CSMD1: variants seen among roughly 807,000 people sequenced by gnomAD.
The protein encoded by CSMD1 is CUB and sushi domain-containing protein 1.
A neutral mutation model predicts 417.5 loss-of-function variants in CSMD1; 213 were observed. The observed-to-expected ratio is 0.51, with a 90% CI of 0.46 to 0.57. CSMD1 has a LOEUF of 0.57. CSMD1 is among the 20% of genes least tolerant of loss of function. The probability of loss-of-function intolerance (pLI) is 0.00; values close to 1 mark genes in which losing one functional copy is unlikely to be tolerated. For synonymous variants in CSMD1, 2,862 were observed against 1,736.8 expected (o/e 1.65, Z -16.11); for missense variants, 6,923 against 4,529.7 (o/e 1.53, Z -15.17).
At chr8:3,283,223 G>A (rs1490653433) in intron 26 of CSMD1, among the ~76,000 whole-genome samples, 5 of 152,094 alleles carry the variant, frequency 3.3e-5, no homozygotes, top group African/African-American at 1.2e-4. Context: ...CCGGGAAGTT[G>A]CAAGCAGAGA....
chr8:4,618,427 C>A (rs939400706), intron 2 of CSMD1, among the ~76,000 whole-genome samples: 1 of 151,902 alleles, frequency 6.6e-6, no homozygotes, highest in South Asian at 2.1e-4. Flanking sequence ...CAAAGGTGGG[C>A]AGGACTCACG....
chr8:3,271,005 G>A (rs1801809373), intron 26 of CSMD1, among the ~76,000 whole-genome samples: 1 of 151,424 alleles, frequency 6.6e-6, no homozygotes, highest in Non-Finnish European at 1.5e-5. Context: ...GTATACATGT[G>A]CCATGCTGGT....
chr8:3,437,729 T>A (rs1055524028), intron 12 of CSMD1, among the ~76,000 whole-genome samples: 2 of 150,806 alleles, frequency 1.3e-5, no homozygotes, highest in African/African-American at 4.9e-5. Flanking sequence ...AAAGCCACTA[T>A]AGATGCAGCT....
At chr8:3,664,946 G>C (rs1798606876) in intron 7 of CSMD1, among the ~76,000 whole-genome samples, 2 of 152,080 alleles carry the variant, frequency 1.3e-5, no homozygotes, top group South Asian at 4.1e-4. Flanking sequence ...GTGCGTCAAA[G>C]ATTTCAATAC....
intron 3 of CSMD1, among the ~76,000 whole-genome samples, chr8:4,041,211 G>A (rs1207671169): frequency 2.0e-5 from 3 of 151,812 alleles, no homozygotes; most frequent in South Asian, 4.2e-4. Context: ...TAGAGACGGG[G>A]TTTCACCGTG....
At chr8:3,481,609 G>C (rs1260590328) in intron 11 of CSMD1, among the ~76,000 whole-genome samples, 2 of 152,200 alleles carry the variant, frequency 1.3e-5, no homozygotes, top group Admixed American at 6.5e-5. Context: ...GGATCGAAAT[G>C]TGGGGGATTG....
At chr8:4,969,287 A>G (rs1316394166) in intron 1 of CSMD1, among the ~76,000 whole-genome samples, 2 of 151,988 alleles carry the variant, frequency 1.3e-5, no homozygotes, top group African/African-American at 4.8e-5. Flanking sequence ...TCAATTTGCT[A>G]GGGCAAAATA....
intron 12 of CSMD1, among the ~76,000 whole-genome samples, chr8:3,422,662 C>T (rs547987092): frequency 1.4e-4 from 22 of 152,222 alleles, no homozygotes; most frequent in South Asian, 6.2e-4. Flanking sequence ...AATCTATTTT[C>T]GATGCATTTT....
At chr8:4,286,239 C>T (rs1442798225) in intron 3 of CSMD1, among the ~76,000 whole-genome samples, 3 of 152,140 alleles carry the variant, frequency 2.0e-5, no homozygotes, top group Non-Finnish European at 2.9e-5. Context: ...AGCTCCATTG[C>T]GTCTCTCCGC....
chr8:3,990,275 C>G (rs1057459221), intron 5 of CSMD1, among the ~76,000 whole-genome samples: 3 of 152,160 alleles, frequency 2.0e-5, no homozygotes, highest in East Asian at 1.9e-4. Flanking sequence ...TTGCCTACAG[C>G]TTAAATAATT....
intron 2 of CSMD1, among the ~76,000 whole-genome samples, chr8:4,586,498 C>A (rs1799706456): frequency 6.6e-6 from 1 of 152,168 alleles, no homozygotes; most frequent in African/African-American, 2.4e-5. Flanking sequence ...CACCTAGTTC[C>A]TTCTGGATGA....
At position 4,877,936 on chromosome 8, in the gene CSMD1, T is replaced by C. The variant is rs547708029; in HGVS notation, c.85+116396A>G. Among the ~76,000 whole-genome samples the C allele has an allele frequency of 9.2e-5, 14 of 152,208 alleles. No homozygotes were observed. The South Asian group carries it at 2.3e-3, about 25-fold the overall frequency. On this transcript the variant is annotated intron_variant, in intron 1 of 69. Coordinates refer to ENST00000635120, the MANE Select transcript of CSMD1 (RefSeq NM_033225.6). ...CATCATGTACAATGGGAAAGGGACC[T>C]ACCCAAACAGAGACACACTATAATC...
chr8:4,374,978 A>C (rs1398930100), intron 3 of CSMD1, among the ~76,000 whole-genome samples: 1 of 61,138 alleles, frequency 1.6e-5, no homozygotes, highest in East Asian at 6.5e-4. Flanking sequence ...GGGGGGCGAT[A>C]GTGGGGGTAC....
rs1484886538 is a variant in CSMD1 at position 3,345,702 on chromosome 8, C to G, written c.3475-2252G>C. Among the ~76,000 whole-genome samples the G allele has an allele frequency of 1.3e-5, 2 of 152,192 alleles. 1 individual carries two copies. Among genetic ancestry groups the G allele is most frequent in the Non-Finnish European group, 2.9e-5 (2 of 68,042 alleles). On this transcript the variant is annotated intron_variant, in intron 22 of 69. Transcript: ENST00000635120. The stretch of plus-strand genomic sequence containing the variant: ...CCTGTAAGTATCTGCACTACAAACC[C>G]TCCTCAGAGTTCAGCATTTAATGCC...
intron 5 of CSMD1, among the ~76,000 whole-genome samples, chr8:3,901,116 T>TG: frequency 6.6e-6 from 1 of 152,320 alleles, no homozygotes; most frequent in Admixed American, 6.5e-5. Flanking sequence ...TGTATACTTT[T>TG]GGGGGAGGGT....
intron 3 of CSMD1, among the ~76,000 whole-genome samples, chr8:4,152,449 T>C (rs1165280136): frequency 1.3e-5 from 2 of 151,130 alleles, no homozygotes; most frequent in South Asian, 2.1e-4. Flanking sequence ...CCAAGGCAAG[T>C]GGCTTGCTTG....
At chr8:3,638,250 G>C (rs1324329164) in intron 7 of CSMD1, among the ~76,000 whole-genome samples, 1 of 152,098 alleles carries the variant, frequency 6.6e-6, no homozygotes, top group East Asian at 1.9e-4. Flanking sequence ...AAATTCTATA[G>C]ATAAATAAAT....
At chr8:4,858,650 G>T (rs370890537) in intron 1 of CSMD1, among the ~76,000 whole-genome samples, 1 of 151,754 alleles carries the variant, frequency 6.6e-6, no homozygotes, top group African/African-American at 2.4e-5. Flanking sequence ...AATCACGAGT[G>T]AACTCCCATT....
chr8:3,964,724 A>G (rs767392362), intron 5 of CSMD1, among the ~76,000 whole-genome samples: 1 of 152,208 alleles, frequency 6.6e-6, no homozygotes, highest in Non-Finnish European at 1.5e-5. Flanking sequence ...ATCCATTGCA[A>G]TGTACTTGCG....
Sources: allele counts gnomAD v4.1 joint callset (sites outside exome capture counted in the v4.1 genomes callset), GRCh38; gene constraint gnomAD v4.1.1; transcripts MANE v1.5; gene names NCBI Gene and HGNC (gene_info 2026-07-23, HGNC 2026-07-21).